Variants in NAALADL2 observed in about 807,000 individuals in gnomAD.
NAALADL2 encodes the protein inactive N-acetylated-alpha-linked acidic dipeptidase-like protein 2.
Under a neutral mutation model 87.2 loss-of-function variants are expected in NAALADL2, and 76 were observed. The ratio of observed to expected loss-of-function variants is 0.87; its 90% CI spans 0.72 to 1.05. The LOEUF is 1.05. NAALADL2 is among the 50% of genes least tolerant of loss of function. The pLI is 0.00. For synonymous variants in NAALADL2, 354 were observed against 331.0 expected, an observed-to-expected ratio of 1.07 and a Z score of -0.75; for missense variants, 1,089 against 945.8, an observed-to-expected ratio of 1.15 and a Z score of -1.99.
chr3:175,269,434 T>C (rs1752463632), intron 4 of NAALADL2, among the ~76,000 whole-genome samples: 1 of 152,228 alleles, frequency 6.6e-6, no homozygotes, highest in Non-Finnish European at 1.5e-5. Context: ...GTAAGTAATA[T>C]GTTGCACTAC....
chr3:175,442,948 T>C (rs1201989376), intron 5 of NAALADL2, among the ~76,000 whole-genome samples: 1 of 152,214 alleles, frequency 6.6e-6, no homozygotes, highest in Admixed American at 6.5e-5. Context: ...TAATGGATTC[T>C]TATAGTTCAT....
chr3:175,238,619 T>G (rs960402994), intron 3 of NAALADL2, among the ~76,000 whole-genome samples: 1 of 152,316 alleles, frequency 6.6e-6, no homozygotes, highest in South Asian at 2.1e-4. Flanking sequence ...ATTATAATTT[T>G]CAAAAGCAAT....
At chr3:174,727,996 T>C (rs192273013) in intron 2 of NAALADL2, among the ~76,000 whole-genome samples, 13 of 152,238 alleles carry the variant, frequency 8.5e-5, no homozygotes, top group Admixed American at 8.5e-4. Context: ...GATTGGCTTC[T>C]TTCACTTACT....
chr3:175,357,317 CA>C (rs1764493575), intron 5 of NAALADL2, among the ~76,000 whole-genome samples: 1 of 152,080 alleles, frequency 6.6e-6, no homozygotes, highest in Non-Finnish European at 1.5e-5. Flanking sequence ...AAGTTGGTTA[CA>C]TGTATCACAA....
chr3:175,405,225 C>A (rs1184528064), intron 5 of NAALADL2, among the ~76,000 whole-genome samples: 1 of 152,014 alleles, frequency 6.6e-6, no homozygotes, highest in East Asian at 1.9e-4. Flanking sequence ...TTGATAATTA[C>A]CTGCATTTAA....
chr3:174,940,561 T>A (rs1051975930), intron 1 of NAALADL2, among the ~76,000 whole-genome samples: 7 of 152,090 alleles, frequency 4.6e-5, no homozygotes. Flanking sequence ...TCTTCAATTT[T>A]TTTTTGGAAT....
At position 174,810,804 on chromosome 3, in the gene NAALADL2, G is replaced by C. The variant is rs149385739; in HGVS notation, c.-9+73058G>C. On this transcript the variant is annotated intron_variant, in intron 3 of 3. Coordinates refer to the NAALADL2 transcript ENST00000434257. The stretch of plus-strand genomic sequence containing the variant: ...CTGATACTCAAGAAAATGGGGAGAA[G>C]ACCTCGAAGGTATTTCACAGAACTT... 2.6e-3 allele frequency among the ~76,000 whole-genome samples: 390 copies of C among 152,260 alleles called. 2 individuals are homozygous for C. The highest frequency in any genetic ancestry group is 9.0e-3 in the African/African-American group (375 of 41,558).
chr3:174,659,405 G>A (rs938441090), intron 2 of NAALADL2, among the ~76,000 whole-genome samples: 10 of 152,132 alleles, frequency 6.6e-5, no homozygotes, highest in African/African-American at 1.4e-4. Flanking sequence ...TCTTTGCTAC[G>A]TGTATTTGAA....
chr3:175,384,268 TC>T, intron 5 of NAALADL2, among the ~76,000 whole-genome samples: 1 of 152,148 alleles, frequency 6.6e-6, no homozygotes, highest in Admixed American at 6.6e-5. Flanking sequence ...AATGATAATT[TC>T]TTGTTTTGAA....
At chr3:175,520,053 T>C (rs1582228515) in intron 9 of NAALADL2, among the ~76,000 whole-genome samples, 1 of 152,118 alleles carries the variant, frequency 6.6e-6, no homozygotes, top group Non-Finnish European at 1.5e-5. Flanking sequence ...TCTATTATAA[T>C]AGATAATTAA....
At chr3:174,606,136 A>G (rs995821022) in intron 2 of NAALADL2, among the ~76,000 whole-genome samples, 3 of 152,350 alleles carry the variant, frequency 2.0e-5, no homozygotes, top group African/African-American at 7.2e-5. Context: ...AAACTAACAA[A>G]CAGAAAGGAC....
intron 1 of NAALADL2, among the ~76,000 whole-genome samples, chr3:174,964,464 A>T (rs1742586958): frequency 6.6e-6 from 1 of 152,124 alleles, no homozygotes; most frequent in Admixed American, 6.6e-5. Context: ...ATTGGATAAA[A>T]TCACCTTTGG....
chr3:174,765,411 C>T (rs971328616), intron 3 of NAALADL2, among the ~76,000 whole-genome samples: 2 of 152,118 alleles, frequency 1.3e-5, no homozygotes, highest in African/African-American at 4.8e-5. Context: ...TAAGTAATAG[C>T]ATTCTTGTCT....
intron 2 of NAALADL2, among the ~76,000 whole-genome samples, chr3:175,138,613 ATTATTATTATTG>A (rs897335030): frequency 2.1e-4 from 31 of 149,614 alleles, no homozygotes; most frequent in Non-Finnish European, 3.7e-4. Flanking sequence ...ATTTATTATT[ATTATTATTATTG>A]TTATTATTAT....
intron 9 of NAALADL2, among the ~76,000 whole-genome samples, chr3:175,550,601 T>C (rs1714177915): frequency 6.6e-6 from 1 of 152,214 alleles, no homozygotes; most frequent in Non-Finnish European, 1.5e-5. Context: ...GATTATAGAT[T>C]CTATATTGTG....
At chr3:175,677,916 T>C (rs138544192) in intron 11 of NAALADL2, among the ~76,000 whole-genome samples, 1 of 152,156 alleles carries the variant, frequency 6.6e-6, no homozygotes, top group Non-Finnish European at 1.5e-5. Flanking sequence ...GTCTCCACTT[T>C]ACCTGAGTAG....
At position 175,630,609 on chromosome 3, in the gene NAALADL2, A is replaced by G. The variant is rs547005815; in HGVS notation, c.1896+3223A>G. On this transcript the variant is annotated intron_variant, in intron 11 of 13. Transcript: ENST00000454872. ...AATCAAACTCATTTTAAATGCTAAG[A>G]GTACACTAAGTTAGTGTGTACAAAT... Among the ~76,000 whole-genome samples the G allele has an allele frequency of 5.9e-5, 9 of 151,918 alleles. No individual in the cohort carries two copies. In the South Asian group the frequency reaches 1.9e-3, roughly 31 times the overall value.
chr3:175,533,247 T>C (rs1298222446), intron 9 of NAALADL2, among the ~76,000 whole-genome samples: 1 of 152,208 alleles, frequency 6.6e-6, no homozygotes, highest in Non-Finnish European at 1.5e-5. Flanking sequence ...TTTCTGCTTA[T>C]ATAAGATAGA....
chr3:175,614,239 G>A (rs1725040108), intron 10 of NAALADL2, among the ~76,000 whole-genome samples: 1 of 152,150 alleles, frequency 6.6e-6, no homozygotes, highest in South Asian at 2.1e-4. Context: ...TTTTAGTAGA[G>A]ACCAGGTTTC....
Sources: allele counts gnomAD v4.1 joint callset (sites outside exome capture counted in the v4.1 genomes callset), GRCh38; gene constraint gnomAD v4.1.1; transcripts MANE v1.5; gene names NCBI Gene and HGNC (gene_info 2026-07-23, HGNC 2026-07-21).